NTM: variants seen among roughly 807,000 people sequenced by gnomAD.
NTM encodes the protein IgLON family member 2.
NTM carries 13 observed loss-of-function variants against 42.1 expected under a neutral mutation model. That is an observed-to-expected ratio of 0.31 (90% CI 0.20 to 0.49). The LOEUF (loss-of-function observed/expected upper bound fraction) is 0.49. Ranked by LOEUF, NTM falls within the 20% of genes least tolerant of loss-of-function variation. The pLI, the probability that NTM is intolerant of heterozygous loss-of-function variation, is 0.99. For missense variants in NTM, 373 were observed against 452.8 expected, an observed-to-expected ratio of 0.82 and a Z score of 1.60; for synonymous variants, 187 against 179.2, an observed-to-expected ratio of 1.04 and a Z score of -0.35.
At chr11:131,411,668 T>A (rs1460058056) in intron 1 of NTM, among the ~76,000 whole-genome samples, 1 of 150,882 alleles carries the variant, frequency 6.6e-6, no homozygotes, top group East Asian at 2.0e-4. Context: ...CAGGGGAAGG[T>A]GATATTCTTC....
intron 7 of NTM, chr11:132,317,783 G>A (rs2095469738): frequency 4.2e-6 from 3 of 710,536 alleles, no homozygotes; most frequent in Non-Finnish European, 6.6e-6. Context: ...GCACTTGTCT[G>A]TAAAGTGTCT....
chr11:131,488,797 T>C lies in NTM; in HGVS notation c.82+117909T>C, dbSNP rs573926325. ...TGGGCTGAGATGTGACTGTGGCACTTCTTGGGCTAAAGAACTGTGAGCTGA... is the reference window on the plus strand; with the variant it reads ...TGGGCTGAGATGTGACTGTGGCACTCCTTGGGCTAAAGAACTGTGAGCTGA... On this transcript the variant is annotated intron_variant, in intron 1 of 8. Transcript: ENST00000683400. Among the ~76,000 whole-genome samples the C allele has an allele frequency of 1.1e-4, 17 of 152,342 alleles. No homozygotes were observed. In the Middle Eastern group the frequency reaches 0.01, roughly 91 times the overall value.
intron 1 of NTM, among the ~76,000 whole-genome samples, chr11:131,475,550 C>T (rs562156118): frequency 7.2e-5 from 11 of 151,754 alleles, no homozygotes; most frequent in African/African-American, 2.7e-4. Flanking sequence ...ATATCACAGT[C>T]AACATCACAC....
intron 1 of NTM, among the ~76,000 whole-genome samples, chr11:131,515,122 C>T (rs1393860079): frequency 6.6e-6 from 1 of 152,042 alleles, no homozygotes; most frequent in Non-Finnish European, 1.5e-5. Flanking sequence ...CCTATGTTGC[C>T]CTGGCTGGTC....
chr11:132,233,435 C>G (rs2088061594), intron 4 of NTM, among the ~76,000 whole-genome samples: 1 of 152,152 alleles, frequency 6.6e-6, no homozygotes, highest in Admixed American at 6.5e-5. Flanking sequence ...CTCTTATTGT[C>G]TCATTTCATG....
rs990230666 is a variant in NTM, at chr11:131,471,047, G to T, written c.82+100159G>T. ...TACAGCCTCTGCAGCCTAACATCAA[G>T]CTGGGAACATATTAGATGCTCAGTG... On this transcript the variant is annotated intron_variant, in intron 1 of 8. Transcript: ENST00000683400. 5.3e-5 allele frequency among the ~76,000 whole-genome samples: 8 copies of T among 152,156 alleles called. No individual in the cohort carries two copies. The South Asian group carries it at 1.7e-3, about 32-fold the overall frequency.
At chr11:131,513,211 T>G (rs1055347082) in intron 1 of NTM, among the ~76,000 whole-genome samples, 1 of 152,212 alleles carries the variant, frequency 6.6e-6, no homozygotes, top group Non-Finnish European at 1.5e-5. Flanking sequence ...ATCAATTCTT[T>G]CCACCAGTAG....
chr11:132,296,550 CCA>C (rs1477623213), intron 4 of NTM, among the ~76,000 whole-genome samples: 2 of 152,010 alleles, frequency 1.3e-5, no homozygotes, highest in Non-Finnish European at 2.9e-5. Context: ...GAACTGAGGC[CCA>C]GTTATTTCCT....
chr11:132,030,966 G>T (rs1032212702), intron 2 of NTM, among the ~76,000 whole-genome samples: 1 of 152,072 alleles, frequency 6.6e-6, no homozygotes, highest in Non-Finnish European at 1.5e-5. Flanking sequence ...GTTCATTCTG[G>T]GGCCCAGACT....
intron 2 of NTM, among the ~76,000 whole-genome samples, chr11:132,117,832 T>G (rs1404721790): frequency 6.6e-6 from 1 of 152,170 alleles, no homozygotes; most frequent in Non-Finnish European, 1.5e-5. Flanking sequence ...AAATGAGCAT[T>G]GTACAGAATA....
intron 1 of NTM, among the ~76,000 whole-genome samples, chr11:131,618,012 G>C (rs2062125503): frequency 6.6e-6 from 1 of 152,170 alleles, no homozygotes; most frequent in African/African-American, 2.4e-5. Context: ...TACAGCCTTT[G>C]GGATGAGAGC....
chr11:131,856,527 T>C (rs2046117356), intron 1 of NTM, among the ~76,000 whole-genome samples: 1 of 152,234 alleles, frequency 6.6e-6, no homozygotes, highest in Non-Finnish European at 1.5e-5. Context: ...CACAACTGAA[T>C]ATTTATTGAG....
In NTM at chr11:132,335,459, G is replaced by C; in HGVS notation, c.*313G>C. On this transcript the variant is annotated 3_prime_UTR_variant, in exon 9 of 9. Coordinates refer to ENST00000683400, the MANE Select transcript of NTM (RefSeq NM_001352005.2). ...ATCGTGCAACCTCTTTGGTGCCAGT[G>C]TGGGCAAGGGCTCAGCCTCTCTGCC... is the stretch of plus-strand genomic sequence containing the variant. 1 of 316,982 alleles carries C rather than the reference G, an allele frequency of 3.2e-6. No individual in the cohort carries two copies. The highest frequency in any genetic ancestry group is 6.0e-6 in the Non-Finnish European group (1 of 166,884). The allele number at this position is 316,982 out of a possible 1,614,324, so 19.6% of individuals were successfully genotyped here. A position where few individuals can be genotyped will look rare whatever the true frequency, so the allele number is the denominator to read the frequency against.
Position 131,661,764 on chromosome 11 carries a change from T to C in NTM, c.83-249800T>C, listed in dbSNP as rs544821709. 2.0e-5 allele frequency among the ~76,000 whole-genome samples: 3 copies of C among 152,290 alleles called. No homozygotes were observed. In the South Asian group the frequency reaches 6.2e-4, roughly 32 times the overall value. On this transcript the variant is annotated intron_variant, in intron 1 of 8. Coordinates refer to ENST00000683400, the MANE Select transcript of NTM (RefSeq NM_001352005.2). Reference sequence around the variant, plus strand: ...TAAGAGTAGAGTGAAAATGCTCTTTTTTTTCCCCCTGTGAGTTGCCAACAA... The same window carrying C: ...TAAGAGTAGAGTGAAAATGCTCTTTCTTTTCCCCCTGTGAGTTGCCAACAA...
chr11:131,482,643 C>T (rs984646774), intron 1 of NTM, among the ~76,000 whole-genome samples: 2 of 152,140 alleles, frequency 1.3e-5, no homozygotes, highest in African/African-American at 4.8e-5. Flanking sequence ...TATTTTTGTC[C>T]ACTCTGTTTA....
intron 1 of NTM, among the ~76,000 whole-genome samples, chr11:131,740,072 T>C (rs1428079407): frequency 6.6e-6 from 1 of 152,242 alleles, no homozygotes; most frequent in African/African-American, 2.4e-5. Context: ...TAAGTTACTT[T>C]GGTCACCGAC....
At chr11:131,723,408 ATG>A in intron 1 of NTM, among the ~76,000 whole-genome samples, 1 of 152,372 alleles carries the variant, frequency 6.6e-6, no homozygotes, top group South Asian at 2.1e-4. Context: ...AGTCTTCTCC[ATG>A]GAGGTTTCCT....
chr11:131,725,674 G>A (rs930039211), intron 1 of NTM, among the ~76,000 whole-genome samples: 3 of 152,158 alleles, frequency 2.0e-5, no homozygotes, highest in South Asian at 2.1e-4. Context: ...AGAGGAAAAC[G>A]GGGAAGCAAT....
At chr11:131,878,637 AT>A (rs1565667235) in intron 1 of NTM, among the ~76,000 whole-genome samples, 12 of 123,452 alleles carry the variant, frequency 9.7e-5, no homozygotes, top group African/African-American at 3.5e-4. Flanking sequence ...ATATATATAT[AT>A]ATAATGTCTT....
Sources: allele counts gnomAD v4.1 joint callset (sites outside exome capture counted in the v4.1 genomes callset), GRCh38; gene constraint gnomAD v4.1.1; transcripts MANE v1.5; gene names NCBI Gene and HGNC (gene_info 2026-07-23, HGNC 2026-07-21).